The following CDK6 variants were observed in gnomAD, a reference collection of about 807,000 sequenced individuals.
The protein encoded by CDK6 is cyclin dependent kinase 6.
Under a neutral mutation model 37.1 loss-of-function variants are expected in CDK6, and 6 were observed. The observed-to-expected ratio is 0.16, with a 90% CI of 0.09 to 0.32. The LOEUF (loss-of-function observed/expected upper bound fraction) is 0.32, where lower values mean the gene tolerates loss of function less well. CDK6 is among the 10% of genes least tolerant of loss of function. The pLI is 1.00. For synonymous variants in CDK6, 160 were observed against 161.3 expected (o/e 0.99, Z 0.06); for missense variants, 224 against 418.9 (o/e 0.53, Z 4.06).
intron 4 of CDK6, among the ~76,000 whole-genome samples, chr7:92,692,624 A>G (rs1797623094): frequency 6.6e-6 from 1 of 152,092 alleles, no homozygotes; most frequent in Non-Finnish European, 1.5e-5. Context: ...CCTCTACTAA[A>G]AATACAAAAA....
intron 3 of CDK6, among the ~76,000 whole-genome samples, chr7:92,728,743 GATTTT>G (rs1350099439): frequency 6.6e-6 from 1 of 152,140 alleles, no homozygotes; most frequent in Non-Finnish European, 1.5e-5. Flanking sequence ...CCATTCTTTA[GATTTT>G]ATTAGGCTAC....
intron 3 of CDK6, among the ~76,000 whole-genome samples, chr7:92,754,452 A>C (rs570368794): frequency 6.6e-6 from 1 of 152,322 alleles, no homozygotes; most frequent in South Asian, 2.1e-4. Context: ...GTAAGAAACC[A>C]TTCTTTTCCC....
rs1798697670 is a variant in CDK6 at position 92,733,338 on chromosome 7, C to A, written c.370-7545G>T. 2.0e-5 allele frequency among the ~76,000 whole-genome samples: 3 copies of A among 152,172 alleles called. No individual in the cohort carries two copies. The South Asian group carries it at 6.2e-4, about 31-fold the overall frequency. On this transcript the variant is annotated intron_variant, in intron 3 of 7. Coordinates refer to ENST00000424848, the MANE Select transcript of CDK6 (RefSeq NM_001145306.2). ...GAACCATGGCTCATCCTGTTTACCCCACACTCAACGTCTTCCTGCAGGACT... is the reference window on the plus strand; with the variant it reads ...GAACCATGGCTCATCCTGTTTACCCAACACTCAACGTCTTCCTGCAGGACT...
At chr7:92,654,168 A>T (rs1796637446) in intron 5 of CDK6, among the ~76,000 whole-genome samples, 1 of 148,288 alleles carries the variant, frequency 6.7e-6, no homozygotes. Context: ...TGCTGTTTTC[A>T]CATTTTAGAG....
chr7:92,681,790 T>TA (rs1797341721), intron 4 of CDK6, among the ~76,000 whole-genome samples: 1 of 152,156 alleles, frequency 6.6e-6, no homozygotes, highest in South Asian at 2.1e-4. Context: ...TCACTTTTCT[T>TA]ACATGAAGCA....
At position 92,806,742 on chromosome 7, in the gene CDK6, T is replaced by C. The variant is rs561702136; in HGVS notation, c.233+26349A>G. ...CGACTTCTCTTGTTAGCATGCCAAG[T>C]ATAACAACTCCTTTGTTCACTCTGA... is the stretch of plus-strand genomic sequence containing the variant. On this transcript the variant is annotated intron_variant, in intron 2 of 7. Coordinates refer to ENST00000424848, the MANE Select transcript of CDK6 (RefSeq NM_001145306.2). Among the ~76,000 whole-genome samples, 80 of 152,318 alleles carry C rather than the reference T, an allele frequency of 5.3e-4. 1 individual carries two copies. Among genetic ancestry groups the C allele is most frequent in the Non-Finnish European group, 9.1e-4 (62 of 68,022 alleles).
intron 4 of CDK6, among the ~76,000 whole-genome samples, chr7:92,713,667 T>TAAAAAA (rs535072218): frequency 4.5e-4 from 30 of 67,188 alleles, no homozygotes; most frequent in African/African-American, 8.2e-4. Context: ...TTAAAAAAAG[T>TAAAAAA]AAAAAAAAAA....
At chr7:92,691,443 A>G (rs1235386375) in intron 4 of CDK6, among the ~76,000 whole-genome samples, 1 of 152,232 alleles carries the variant, frequency 6.6e-6, no homozygotes, top group East Asian at 1.9e-4. Flanking sequence ...AGCACCTATT[A>G]CATATTGTAA....
intron 3 of CDK6, among the ~76,000 whole-genome samples, chr7:92,753,052 T>C (rs1253604116): frequency 6.6e-6 from 1 of 152,170 alleles, no homozygotes; most frequent in Non-Finnish European, 1.5e-5. Flanking sequence ...CAACCTACTT[T>C]ATGGTGATTA....
intron 4 of CDK6, among the ~76,000 whole-genome samples, chr7:92,696,405 T>C (rs1243425837): frequency 2.0e-5 from 3 of 152,156 alleles, no homozygotes; most frequent in Non-Finnish European, 4.4e-5. Flanking sequence ...TATGTTGTTG[T>C]TTCACGGGGA....
chr7:92,670,627 T>C (rs1206038054), intron 5 of CDK6, among the ~76,000 whole-genome samples: 1 of 152,224 alleles, frequency 6.6e-6, no homozygotes, highest in Admixed American at 6.5e-5. Context: ...TATTTGGCTA[T>C]TTCTTGTGAC....
chr7:92,609,675 T>G lies in CDK6; in HGVS notation c.*5465A>C, dbSNP rs1170391519. ...GGGAATTTGAAAGCAGCAGAGAGGGTATGTGTGTTTTAACTGGGGCCACTA... is the reference window on the plus strand; with the variant it reads ...GGGAATTTGAAAGCAGCAGAGAGGGGATGTGTGTTTTAACTGGGGCCACTA... On this transcript the variant is annotated 3_prime_UTR_variant, in exon 8 of 8. Transcript: ENST00000424848. 2 of 231,168 alleles carry G rather than the reference T, an allele frequency of 8.7e-6. No individual in the cohort carries two copies. Among genetic ancestry groups the G allele is most frequent in the African/African-American group, 4.4e-5 (2 of 45,222 alleles). 14.3% of individuals were successfully genotyped at this position (231,168 alleles called of 1,614,324 possible). A position where few individuals can be genotyped will look rare whatever the true frequency, so the allele number is the denominator to read the frequency against.
chr7:92,623,150 C>G (rs2116495384), intron 5 of CDK6, 64 bp from the exon 6 acceptor site: 1 of 1,121,462 alleles, frequency 8.9e-7, no homozygotes. Context: ...ATCATATTTG[C>G]CATTATCATT....
At chr7:92,797,407 TCA>T (rs140495672) in intron 2 of CDK6, among the ~76,000 whole-genome samples, 37 of 152,282 alleles carry the variant, frequency 2.4e-4, no homozygotes, top group African/African-American at 8.9e-4. Context: ...TGTTCAAACC[TCA>T]GTTTTCTTGT....
chr7:92,697,001 C>T (rs1278952410), intron 4 of CDK6, among the ~76,000 whole-genome samples: 1 of 152,176 alleles, frequency 6.6e-6, no homozygotes, highest in Non-Finnish European at 1.5e-5. Context: ...AGCCTGGCCT[C>T]TACGTTACCA....
At chr7:92,832,801 T>G (rs901374573) in intron 2 of CDK6, among the ~76,000 whole-genome samples, 1 of 152,108 alleles carries the variant, frequency 6.6e-6, no homozygotes, top group Non-Finnish European at 1.5e-5. Context: ...CCCCAGACCC[T>G]CCTTCAGGGT....
chr7:92,735,066 T>C (rs868395508), intron 3 of CDK6, among the ~76,000 whole-genome samples: 3 of 152,176 alleles, frequency 2.0e-5, no homozygotes, highest in Non-Finnish European at 2.9e-5. Flanking sequence ...GAGTCTTCAC[T>C]TGGATGCAGA....
chr7:92,732,786 C>T (rs1321809500), intron 3 of CDK6, among the ~76,000 whole-genome samples: 1 of 152,176 alleles, frequency 6.6e-6, no homozygotes, highest in Non-Finnish European at 1.5e-5. Context: ...CAGTAGAATG[C>T]TCTCTGCTGT....
intron 2 of CDK6, among the ~76,000 whole-genome samples, chr7:92,781,719 A>G (rs1043010518): frequency 6.6e-6 from 1 of 152,202 alleles, no homozygotes; most frequent in African/African-American, 2.4e-5. Context: ...TGGACATCAA[A>G]TAGTTCAAGA....
Sources: gnomAD v4.1 joint callset for allele counts (sites outside exome capture counted in the v4.1 genomes callset) on GRCh38, gnomAD v4.1.1 for gene constraint, MANE v1.5 for transcripts, NCBI Gene and HGNC (gene_info 2026-07-23, HGNC 2026-07-21) for gene names.